Variants in TMEM178B observed in about 807,000 individuals in gnomAD.
TMEM178B encodes the protein transmembrane protein 178B.
In TMEM178B, 5 loss-of-function variants were observed where a neutral mutation model predicts 31.0. That is an observed-to-expected ratio of 0.16 (90% confidence interval 0.08 to 0.34). The LOEUF is 0.34. Among genes scored for constraint, TMEM178B ranks in the 10% least tolerant of loss-of-function variants. TMEM178B has a pLI of 1.00. For missense variants in TMEM178B, 275 were observed against 400.3 expected, an observed-to-expected ratio of 0.69 and a Z score of 2.67; for synonymous variants, 164 against 164.0, an observed-to-expected ratio of 1.00 and a Z score of 0.00.
intron 2 of TMEM178B, among the ~76,000 whole-genome samples, chr7:141,229,842 C>T (rs767601163): frequency 6.6e-6 from 1 of 152,110 alleles, no homozygotes; most frequent in Non-Finnish European, 1.5e-5. Context: ...CCCCACGGTA[C>T]ACCAGCCTGG....
intron 1 of TMEM178B, among the ~76,000 whole-genome samples, chr7:141,123,897 C>A (rs1011434678): frequency 1.3e-5 from 2 of 152,094 alleles, no homozygotes; most frequent in Non-Finnish European, 2.9e-5. Flanking sequence ...GGACCACAGG[C>A]GCACAACACC....
chr7:141,074,348 C>G lies in TMEM178B; in HGVS notation c.38C>G (p.Ser13Trp), dbSNP rs1457595030. Residue 13 changes from serine (S) to tryptophan (W), a missense_variant, in exon 1 of 4, where the codon TCG becomes TGG. By Grantham distance (177) the Ser-to-Trp change is radical (BLOSUM62 -3). Coordinates refer to ENST00000565468, the MANE Select transcript of TMEM178B (RefSeq NM_001195278.2). This position sits in a 1 kb window ranked among gnomAD's most constrained non-coding sequence, Gnocchi z 5.1. Reference protein sequence around the residue: ...AGRLLLYTGLSLALCALGMLA... With the variant: ...AGRLLLYTGLWLALCALGMLA... Reference sequence around the variant, plus strand: ...AGGTTACTGCTCTACACTGGCCTCTCGCTAGCGCTCTGCGCCCTCGGCATG... The same window carrying G: ...AGGTTACTGCTCTACACTGGCCTCTGGCTAGCGCTCTGCGCCCTCGGCATG... 1.3e-6 allele frequency: 2 copies of G among 1,535,878 alleles called. No homozygotes were observed. Among genetic ancestry groups the G allele is most frequent in the East Asian group, 4.9e-5 (2 of 40,922 alleles).
chr7:141,457,707 C>T (rs1462219858), intron 3 of TMEM178B, among the ~76,000 whole-genome samples: 1 of 152,212 alleles, frequency 6.6e-6, no homozygotes, highest in Non-Finnish European at 1.5e-5. Flanking sequence ...CTCTGTAGCA[C>T]TTACAAAAGG....
intron 2 of TMEM178B, among the ~76,000 whole-genome samples, chr7:141,337,026 T>C (rs200425065): frequency 9.5e-3 from 242 of 25,376 alleles, no homozygotes; most frequent in Middle Eastern, 0.038. Context: ...ATCACCACCA[T>C]CACCACCACC....
intron 1 of TMEM178B, among the ~76,000 whole-genome samples, chr7:141,190,384 G>C (rs185697318): frequency 6.6e-6 from 1 of 152,018 alleles, no homozygotes; most frequent in African/African-American, 2.4e-5. Flanking sequence ...TGTGATCACA[G>C]CTCACTGTAG....
chr7:141,163,338 A>G (rs566773611), intron 1 of TMEM178B, among the ~76,000 whole-genome samples: 9 of 152,200 alleles, frequency 5.9e-5, no homozygotes, highest in Admixed American at 5.9e-4. Flanking sequence ...CTCTCACCAT[A>G]TGATATTGAC....
At chr7:141,336,892 TACCACCACCACCATCATCACCACCACC>T (rs1799403334) in intron 2 of TMEM178B, among the ~76,000 whole-genome samples, 3 of 18,958 alleles carry the variant, frequency 1.6e-4, no homozygotes, top group Admixed American at 5.3e-4. Context: ...CCATCACCGC[TACCACCACCACCATCATCACCACCACC>T]ACCACCACCA....
At chr7:141,299,410 A>G (rs545541198) in intron 2 of TMEM178B, among the ~76,000 whole-genome samples, 38 of 152,220 alleles carry the variant, frequency 2.5e-4, no homozygotes, top group Admixed American at 4.6e-4. Flanking sequence ...GTATTTTCCA[A>G]TCCACGAGCA....
At chr7:141,364,017 C>T (rs1401162226) in intron 2 of TMEM178B, among the ~76,000 whole-genome samples, 2 of 151,830 alleles carry the variant, frequency 1.3e-5, no homozygotes, top group Non-Finnish European at 2.9e-5. Flanking sequence ...AGGCTTCATA[C>T]ATCACCTTGA....
In TMEM178B at chr7:141,179,118, A is replaced by G. The variant is rs183186366; in HGVS notation, c.383-33473A>G. ...ACAAGCCCTTGACATCAAACTGGAA[A>G]CCACTGGTCTATAGAATAAGACTTC... On this transcript the variant is annotated intron_variant, in intron 1 of 3. Transcript: ENST00000565468. Among the ~76,000 whole-genome samples the G allele has an allele frequency of 7.6e-4, 115 of 152,310 alleles. 1 individual carries two copies. The East Asian group carries it at 0.021, about 28-fold the overall frequency.
chr7:141,264,116 A>G lies in TMEM178B; in HGVS notation c.496+51412A>G, dbSNP rs117830596. ...ATATTTTGGTGGGGGGCTCCATCAC[A>G]TAAGTAGGGTTCATTCCAGTCTCCA... is the stretch of plus-strand genomic sequence containing the variant. On this transcript the variant is annotated intron_variant, in intron 2 of 3. Coordinates refer to ENST00000565468, the MANE Select transcript of TMEM178B (RefSeq NM_001195278.2). Among the ~76,000 whole-genome samples the G allele has an allele frequency of 2.4e-4, 37 of 152,270 alleles. No individual in the cohort carries two copies. In the East Asian group the frequency reaches 6.8e-3, roughly 28 times the overall value.
intron 2 of TMEM178B, among the ~76,000 whole-genome samples, chr7:141,261,184 G>A (rs1378861444): frequency 6.6e-6 from 1 of 152,104 alleles, no homozygotes; most frequent in Non-Finnish European, 1.5e-5. Flanking sequence ...ATTTTGTTTG[G>A]GGCACAAAGT....
At chr7:141,449,451 C>T (rs981917505) in intron 3 of TMEM178B, among the ~76,000 whole-genome samples, 1 of 152,140 alleles carries the variant, frequency 6.6e-6, no homozygotes, top group African/African-American at 2.4e-5. Context: ...GGGGGGCACT[C>T]TCTGCCCTCT....
chr7:141,125,244 A>T (rs867021090), intron 1 of TMEM178B, among the ~76,000 whole-genome samples: 1 of 152,218 alleles, frequency 6.6e-6, no homozygotes, highest in Non-Finnish European at 1.5e-5. Context: ...ATTAATTTCA[A>T]TTTGCTTTGG....
At chr7:141,292,668 C>T (rs1008215654) in intron 2 of TMEM178B, among the ~76,000 whole-genome samples, 4 of 132,828 alleles carry the variant, frequency 3.0e-5, no homozygotes, top group African/African-American at 1.1e-4. Context: ...GATGGAGTCT[C>T]GCTCTGTCAC....
intron 2 of TMEM178B, among the ~76,000 whole-genome samples, chr7:141,303,553 C>T (rs1586881047): frequency 1.3e-5 from 2 of 152,188 alleles, no homozygotes; most frequent in East Asian, 1.9e-4. Flanking sequence ...GCGCCATGCT[C>T]AGCTGTGAGT....
intron 1 of TMEM178B, among the ~76,000 whole-genome samples, chr7:141,127,966 G>A (rs573235237): frequency 2.6e-5 from 4 of 152,114 alleles, no homozygotes; most frequent in Non-Finnish European, 5.9e-5. Flanking sequence ...GGCCCAACGC[G>A]AACCACAGGG....
At chr7:141,117,968 G>C (rs1269551787) in intron 1 of TMEM178B, among the ~76,000 whole-genome samples, 1 of 152,106 alleles carries the variant, frequency 6.6e-6, no homozygotes, top group Non-Finnish European at 1.5e-5. Context: ...GAGACTTTTT[G>C]GGGGGTTAAG....
chr7:141,506,779 T>C, the TMEM178B span, among the ~76,000 whole-genome samples: 1 of 152,116 alleles, frequency 6.6e-6, no homozygotes. Context: ...CAAAGTCTCA[T>C]CTGAGACAAG....
Sources: gnomAD v4.1 joint callset for allele counts (sites outside exome capture counted in the v4.1 genomes callset) on GRCh38, gnomAD v4.1.1 for gene constraint, Gnocchi (gnomAD v3.1) non-coding constraint, MANE v1.5 for transcripts, NCBI Gene and HGNC (gene_info 2026-07-23, HGNC 2026-07-21) for gene names.